GNA14: variants seen among roughly 807,000 people sequenced by gnomAD.
The protein encoded by GNA14 is G protein subunit alpha 14, also known as guanine nucleotide-binding protein subunit alpha-14.
A neutral mutation model predicts 42.0 loss-of-function variants in GNA14; 50 were observed. That is an observed-to-expected ratio of 1.19 (90% confidence interval 0.95 to 1.51). GNA14 has a LOEUF of 1.51. GNA14 is among the 40% of genes most tolerant of loss of function. The pLI is 0.00. For missense variants in GNA14, 473 were observed against 446.2 expected (o/e 1.06, Z -0.54); for synonymous variants, 173 against 163.1 (o/e 1.06, Z -0.46).
At chr9:77,464,547 CA>C (rs1168776423) in intron 2 of GNA14, among the ~76,000 whole-genome samples, 4 of 151,798 alleles carry the variant, frequency 2.6e-5, no homozygotes, top group African/African-American at 9.7e-5. Flanking sequence ...TTTTTAAAAA[CA>C]TTTTTTTTGA....
intron 2 of GNA14, among the ~76,000 whole-genome samples, chr9:77,512,742 T>C (rs1837190686): frequency 6.6e-6 from 1 of 152,214 alleles, no homozygotes; most frequent in East Asian, 1.9e-4. Flanking sequence ...CTTTACCTCG[T>C]TCTTTTTAAA....
At chr9:77,549,972 G>T (rs1188654116) in intron 1 of GNA14, among the ~76,000 whole-genome samples, 1 of 152,206 alleles carries the variant, frequency 6.6e-6, no homozygotes, top group Non-Finnish European at 1.5e-5. Context: ...GGGTGAACAT[G>T]TCACTGGTGT....
At chr9:77,478,121 C>A (rs923631917) in intron 2 of GNA14, among the ~76,000 whole-genome samples, 1 of 151,590 alleles carries the variant, frequency 6.6e-6, no homozygotes, top group Non-Finnish European at 1.5e-5. Flanking sequence ...TGGTGTGCTG[C>A]ACCCATTAAC....
chr9:77,587,182 C>T (rs985484424), intron 1 of GNA14, among the ~76,000 whole-genome samples: 2 of 152,028 alleles, frequency 1.3e-5, no homozygotes, highest in African/African-American at 4.8e-5. Flanking sequence ...AAACCTTATG[C>T]ATTCCAGTTA....
At position 77,461,454 on chromosome 9, in the gene GNA14, G is replaced by A. The variant is rs961343725; in HGVS notation, c.310-26932C>T. Reference sequence around the variant, plus strand: ...TATTATATTCTAAAAAGTAAAAAACGGGGCTCAGAAAGCTTGGGCAACTTG... The same window carrying A: ...TATTATATTCTAAAAAGTAAAAAACAGGGCTCAGAAAGCTTGGGCAACTTG... On this transcript the variant is annotated intron_variant, in intron 2 of 6. Coordinates refer to ENST00000341700, the MANE Select transcript of GNA14 (RefSeq NM_004297.4). Among the ~76,000 whole-genome samples, 8 of 152,244 alleles carry A rather than the reference G, an allele frequency of 5.3e-5. No homozygotes were observed. In the South Asian group the frequency reaches 6.2e-4, roughly 12 times the overall value.
At chr9:77,519,949 T>G (rs887025210) in intron 2 of GNA14, among the ~76,000 whole-genome samples, 1 of 151,952 alleles carries the variant, frequency 6.6e-6, no homozygotes, top group Non-Finnish European at 1.5e-5. Flanking sequence ...GCGGAGGTTC[T>G]AGTGAGCTGA....
intron 2 of GNA14, among the ~76,000 whole-genome samples, chr9:77,449,574 C>T (rs962677921): frequency 6.6e-6 from 1 of 152,176 alleles, no homozygotes; most frequent in Non-Finnish European, 1.5e-5. Flanking sequence ...TCCAAGACAA[C>T]TGTGGAAGGA....
At chr9:77,512,602 T>C (rs1254620001) in intron 2 of GNA14, among the ~76,000 whole-genome samples, 1 of 152,248 alleles carries the variant, frequency 6.6e-6, no homozygotes, top group Non-Finnish European at 1.5e-5. Flanking sequence ...TGTAACTATT[T>C]ATGTATTCTT....
intron 1 of GNA14, among the ~76,000 whole-genome samples, chr9:77,609,097 T>C (rs942932033): frequency 6.6e-6 from 1 of 152,170 alleles, no homozygotes; most frequent in Non-Finnish European, 1.5e-5. Context: ...TTAAATTCAT[T>C]TCTCTTTTCT....
intron 1 of GNA14, among the ~76,000 whole-genome samples, chr9:77,601,214 G>A (rs1328400467): frequency 1.3e-5 from 2 of 151,432 alleles, no homozygotes; most frequent in Admixed American, 1.3e-4. Flanking sequence ...TTTTCCTTTT[G>A]CCCAATAAAT....
At chr9:77,608,729 CCT>C (rs1823678444) in intron 1 of GNA14, among the ~76,000 whole-genome samples, 1 of 59,910 alleles carries the variant, frequency 1.7e-5, no homozygotes, top group Non-Finnish European at 3.9e-5. Flanking sequence ...AGCCCAATAT[CCT>C]GTTTTTTTTT....
At chr9:77,590,012 G>A (rs1010416842) in intron 1 of GNA14, among the ~76,000 whole-genome samples, 2 of 152,040 alleles carry the variant, frequency 1.3e-5, no homozygotes, top group Non-Finnish European at 2.9e-5. Context: ...GGCCTCCCAG[G>A]TTCAAGTGAT....
chr9:77,568,502 A>AAAAG (rs1191336906), intron 1 of GNA14, among the ~76,000 whole-genome samples: 6 of 151,580 alleles, frequency 4.0e-5, no homozygotes, highest in East Asian at 1.9e-4. Flanking sequence ...AAAAAAAAAA[A>AAAAG]AAAGAAAGAA....
chr9:77,596,879 A>G (rs1772923), intron 1 of GNA14, among the ~76,000 whole-genome samples: 120,843 of 152,096 alleles, frequency 0.79, 48,096 homozygotes, highest in East Asian at 0.9. Flanking sequence ...GCCCCTCCCC[A>G]CTTCAAACTG....
At position 77,566,232 on chromosome 9, in the gene GNA14, G is replaced by T. The variant is rs950411804; in HGVS notation, c.125-36979C>A. ...TGTGGTGGTGCAGTCTTGGCTCACT[G>T]CAACCTCTGCCTCCCAGGTTCAGGC... On this transcript the variant is annotated intron_variant, in intron 1 of 6. Transcript: ENST00000341700. Among the ~76,000 whole-genome samples the T allele has an allele frequency of 2.8e-5, 4 of 141,698 alleles. No individual in the cohort carries two copies. The Admixed American group carries it at 3.1e-4, about 11-fold the overall frequency. The allele number at this position is 141,698 out of a possible 152,430, so 93.0% of individuals were successfully genotyped here.
chr9:77,629,828 T>C (rs193008648), intron 1 of GNA14, among the ~76,000 whole-genome samples: 14 of 152,240 alleles, frequency 9.2e-5, no homozygotes, highest in Non-Finnish European at 1.8e-4. Flanking sequence ...TGTATACCTA[T>C]GTAACAAACC....
At chr9:77,538,562 A>G (rs1182897155) in intron 1 of GNA14, among the ~76,000 whole-genome samples, 1 of 152,168 alleles carries the variant, frequency 6.6e-6, no homozygotes, top group African/African-American at 2.4e-5. Flanking sequence ...CCAATCCATG[A>G]GCATGGATGT....
intron 2 of GNA14, among the ~76,000 whole-genome samples, chr9:77,527,977 T>C (rs956446278): frequency 6.6e-6 from 1 of 152,140 alleles, no homozygotes; most frequent in Non-Finnish European, 1.5e-5. Context: ...CAGGGTGAAA[T>C]TGTAGGCAAG....
chr9:77,587,221 G>C (rs975743333), intron 1 of GNA14, among the ~76,000 whole-genome samples: 1 of 152,170 alleles, frequency 6.6e-6, no homozygotes, highest in African/African-American at 2.4e-5. Flanking sequence ...TGGTTCAGCT[G>C]TTATGGAAAA....
Sources: allele counts gnomAD v4.1 joint callset (sites outside exome capture counted in the v4.1 genomes callset), GRCh38; gene constraint gnomAD v4.1.1; transcripts MANE v1.5; gene names NCBI Gene and HGNC (gene_info 2026-07-23, HGNC 2026-07-21).